The following CD44 variants were observed in gnomAD, a reference collection of about 807,000 sequenced individuals.
CD44 encodes CD44 antigen.
In CD44, 49 loss-of-function variants were observed where a neutral mutation model predicts 88.8. That is an observed-to-expected ratio of 0.55 (90% CI 0.44 to 0.70). The LOEUF (loss-of-function observed/expected upper bound fraction) is 0.70. CD44 is among the 30% of genes least tolerant of loss of function. CD44 has a pLI of 0.00. For synonymous variants in CD44, 325 were observed against 312.3 expected (o/e 1.04, Z -0.43); for missense variants, 883 against 913.8 (o/e 0.97, Z 0.43).
rs1949576909 is a variant in CD44 at position 35,224,774 on chromosome 11, AT to A, written c.2024+3045del. The stretch of plus-strand genomic sequence containing the variant: ...AAACAAACAAACAAAAACCTATCTT[AT>A]TTGTCTAAAGAGGAGAAAAAAACAT... On this transcript the variant is annotated intron_variant, in intron 17 of 17. Transcript: ENST00000428726. Among the ~76,000 whole-genome samples the A allele has an allele frequency of 3.3e-5, 5 of 152,122 alleles. No individual in the cohort carries two copies. In the South Asian group the frequency reaches 1.0e-3, roughly 32 times the overall value.
At position 35,229,135 on chromosome 11, in the gene CD44, G is replaced by T; in HGVS notation, c.2031G>T (p.Gly677=). 6.2e-7 allele frequency: 1 copy of T among 1,613,430 alleles called. No homozygotes were observed. ...CIAVNSRRRC[G]QKKKLVINSG... The stretch of plus-strand genomic sequence containing the variant: ...ACATTTTTTAAATTATTAGGTGTGG[G>T]CAGAAGAAAAAGCTAGTGATCAACA... The change falls in exon 18 of 18, where the codon GGG becomes GGT. Residue 677 remains glycine (G), a synonymous_variant. Transcript: ENST00000428726.
At chr11:35,166,429 C>A (rs1463024598) in intron 1 of CD44, among the ~76,000 whole-genome samples, 1 of 151,878 alleles carries the variant, frequency 6.6e-6, no homozygotes, top group East Asian at 1.9e-4. Flanking sequence ...ACCTCCAAGT[C>A]CCCATCATCC....
intron 17 of CD44, among the ~76,000 whole-genome samples, chr11:35,228,107 T>G (rs773377163): frequency 6.6e-6 from 1 of 152,184 alleles, no homozygotes; most frequent in Non-Finnish European, 1.5e-5. Context: ...CTGACTCGTA[T>G]ATGTGTAGTA....
intron 1 of CD44, among the ~76,000 whole-genome samples, chr11:35,148,327 C>T (rs945637902): frequency 7.2e-5 from 11 of 152,234 alleles, no homozygotes; most frequent in Non-Finnish European, 1.6e-4. Flanking sequence ...CAGCTGACGT[C>T]AGCTCCGCAG....
rs1451616446 is a variant in CD44, at chr11:35,214,864, C to T, written c.1823C>T (p.Thr608Ile). ...VNRSLSGDQDTFHPSGGSHTT... is the reference protein window; with the variant it reads ...VNRSLSGDQDIFHPSGGSHTT... ...TTGCTCATTACAGGAGACCAAGACACATTCCACCCCAGTGGGGGGTCCCAT... is the reference window on the plus strand; with the variant it reads ...TTGCTCATTACAGGAGACCAAGACATATTCCACCCCAGTGGGGGGTCCCAT... The change falls in exon 15 of 18, where the codon ACA becomes ATA. Residue 608 changes from threonine (T) to isoleucine (I), a missense_variant. Coordinates refer to ENST00000428726, the MANE Select transcript of CD44 (RefSeq NM_000610.4). 1.9e-6 allele frequency: 3 copies of T among 1,554,050 alleles called. No homozygotes were observed. Among genetic ancestry groups the T allele is most frequent in the Admixed American group, 1.9e-5 (1 of 51,454 alleles).
At chr11:35,175,864 CTTTT>C (rs71457374) in intron 1 of CD44, among the ~76,000 whole-genome samples, 3,500 of 123,102 alleles carry the variant, frequency 0.028, 154 homozygotes, top group African/African-American at 0.098. Flanking sequence ...TTTGTTTGTT[CTTTT>C]TTTTTTTTTT....
intron 1 of CD44, among the ~76,000 whole-genome samples, chr11:35,154,580 A>G (rs1374671072): frequency 1.3e-5 from 2 of 152,250 alleles, no homozygotes; most frequent in Non-Finnish European, 2.9e-5. Flanking sequence ...GTAAACAACT[A>G]TGTCTTGTAA....
chr11:35,190,068 A>T lies in CD44; in HGVS notation c.667+3A>T, dbSNP rs112850581. The T allele has an allele frequency of 1.9e-6, 3 of 1,610,820 alleles. No individual in the cohort carries two copies. Among genetic ancestry groups the T allele is most frequent in the Admixed American group, 3.3e-5 (2 of 60,008 alleles). ...CACAGACAGAATCCCTGCTACCAGT[A>T]AGGAGAATAAATCACTGTGCTTCCC... On this transcript the variant is annotated splice_donor_region_variant and intron_variant, in intron 5 of 17. Coordinates refer to ENST00000428726, the MANE Select transcript of CD44 (RefSeq NM_000610.4).
chr11:35,176,429 C>T (rs181345670), intron 1 of CD44, 146 bp from the exon 2 acceptor site: 242 of 599,662 alleles, frequency 4.0e-4, no homozygotes, highest in African/African-American at 3.9e-3. Flanking sequence ...CCACCCACCT[C>T]GGCCTCCCAA....
At position 35,206,176 on chromosome 11, in the gene CD44, C is replaced by A; in HGVS notation, c.1347C>A (p.Ser449=). 1.2e-6 allele frequency: 2 copies of A among 1,612,666 alleles called. No homozygotes were observed. Among genetic ancestry groups the A allele is most frequent in the Non-Finnish European group, 1.7e-6 (2 of 1,179,238 alleles). ...CAACACCAAGCCCAGAGGACAGTTCCTGGACTGATTTCTTCAACCCAATCT... is the reference window on the plus strand; with the variant it reads ...CAACACCAAGCCCAGAGGACAGTTCATGGACTGATTTCTTCAACCCAATCT... ...GRTTPSPEDS[S]WTDFFNPISH... is the part of the protein sequence containing the mutation. The change falls in exon 11 of 18, where the codon TCC becomes TCA. Residue 449 remains serine, a synonymous_variant. Transcript: ENST00000428726.
At chr11:35,203,069 A>C (rs1947464053) in intron 9 of CD44, among the ~76,000 whole-genome samples, 1 of 152,218 alleles carries the variant, frequency 6.6e-6, no homozygotes. Flanking sequence ...GACAAAGAGA[A>C]GACAGCAACA....
At chr11:35,167,564 C>T (rs1399390184) in intron 1 of CD44, among the ~76,000 whole-genome samples, 1 of 152,118 alleles carries the variant, frequency 6.6e-6, no homozygotes, top group Admixed American at 6.6e-5. Flanking sequence ...AAATAGAATC[C>T]TGGCTTTTTA....
At position 35,232,034 on chromosome 11, in the gene CD44, G is replaced by T. The variant is rs980348272; in HGVS notation, c.*2701G>T. On this transcript the variant is annotated 3_prime_UTR_variant, in exon 18 of 18. Transcript: ENST00000428726. ...CATAACAACACCAAGAATTGATTTTGTAGCCAACATTCATTCAATACTGTT... is the reference window on the plus strand; with the variant it reads ...CATAACAACACCAAGAATTGATTTTTTAGCCAACATTCATTCAATACTGTT... 6 of 152,144 alleles carry T rather than the reference G, an allele frequency of 3.9e-5. No homozygotes were observed. Among genetic ancestry groups the T allele is most frequent in the African/African-American group, 1.4e-4 (6 of 41,446 alleles). The allele number at this position is 152,144 out of a possible 1,614,324, so 9.4% of individuals were successfully genotyped here. A position where few individuals can be genotyped will look rare whatever the true frequency, so the allele number is the denominator to read the frequency against.
intron 1 of CD44, among the ~76,000 whole-genome samples, chr11:35,140,080 CT>C (rs990955310): frequency 3.3e-5 from 5 of 152,240 alleles, no homozygotes; most frequent in Non-Finnish European, 7.3e-5. Context: ...CCACCTCCTG[CT>C]TCTGCCAATC....
chr11:35,162,324 A>G (rs1332554682), intron 1 of CD44, among the ~76,000 whole-genome samples: 3 of 152,336 alleles, frequency 2.0e-5, no homozygotes, highest in East Asian at 1.9e-4. Context: ...TTTGCGAGGT[A>G]TGGTCTCCTG....
intron 1 of CD44, among the ~76,000 whole-genome samples, chr11:35,160,267 A>G (rs1042278558): frequency 1.1e-4 from 16 of 152,050 alleles, no homozygotes; most frequent in African/African-American, 3.9e-4. Context: ...GGGAATCAGT[A>G]GCTGCTGCAT....
chr11:35,205,734 G>A (rs1947763868), intron 10 of CD44: 2 of 948,526 alleles, frequency 2.1e-6, no homozygotes, highest in East Asian at 1.1e-4. Flanking sequence ...CTGGAATATG[G>A]TTGTCTCAGA....
At chr11:35,161,164 G>T (rs1452918390) in intron 1 of CD44, among the ~76,000 whole-genome samples, 1 of 152,142 alleles carries the variant, frequency 6.6e-6, no homozygotes, top group African/African-American at 2.4e-5. Flanking sequence ...GAGATGATTG[G>T]CTAATATCTG....
intron 4 of CD44, among the ~76,000 whole-genome samples, chr11:35,188,067 C>T (rs777297870): frequency 9.9e-5 from 15 of 152,206 alleles, no homozygotes; most frequent in Non-Finnish European, 2.2e-4. Flanking sequence ...TAACTGCTAA[C>T]CCTGATCTTA....
Sources: gnomAD v4.1 joint callset for allele counts (sites outside exome capture counted in the v4.1 genomes callset) on GRCh38, gnomAD v4.1.1 for gene constraint, MANE v1.5 for transcripts, NCBI Gene and HGNC (gene_info 2026-07-23, HGNC 2026-07-21) for gene names.